The following SLTM variants were observed in gnomAD, a reference collection of about 807,000 sequenced individuals.
SLTM encodes the protein SAFB-like transcription modulator.
SLTM carries 43 observed loss-of-function variants against 134.6 expected under a neutral mutation model. The observed-to-expected ratio is 0.32, with a 90% CI of 0.25 to 0.41. The LOEUF (loss-of-function observed/expected upper bound fraction) is 0.41, where lower values mean the gene tolerates loss of function less well. Among genes scored for constraint, SLTM ranks in the 10% least tolerant of loss-of-function variants. The pLI is 1.00. For missense variants in SLTM, 1,055 were observed against 1,288.8 expected (o/e 0.82, Z 2.78); for synonymous variants, 424 against 432.3 (o/e 0.98, Z 0.24).
intron 2 of SLTM, among the ~76,000 whole-genome samples, chr15:58,924,070 C>T (rs2037294593): frequency 6.6e-6 from 1 of 152,150 alleles, no homozygotes; most frequent in Non-Finnish European, 1.5e-5. Context: ...CGGCCTCGGC[C>T]TCCCAAGGTG....
At chr15:58,883,395 A>C (rs1866526794) in intron 20 of SLTM, 1 of 536,430 alleles carries the variant, frequency 1.9e-6, no homozygotes, top group Admixed American at 3.1e-5. Context: ...ATCTATATCA[A>C]CTTGCCAGAA....
At position 58,887,472 on chromosome 15, in the gene SLTM, C is replaced by T. The variant is rs2140957502; in HGVS notation, c.2444G>A (p.Ser815Asn). ...ARPTARREDP[S>N]FERYPKNFSD... ...GAAATTTTTGGGATATCTTTCGAAGCTTGGATCTTCCCTTCGTGCAGTAGG... is the reference window on the plus strand; with the variant it reads ...GAAATTTTTGGGATATCTTTCGAAGTTTGGATCTTCCCTTCGTGCAGTAGG... Residue 815 changes from serine (S) to asparagine (N), a missense_variant, in exon 18 of 21, where the codon AGC becomes AAC. By Grantham distance (46) the Ser-to-Asn change is conservative. Around this residue, in one of 3 missense-constraint regions of SLTM, gnomAD observed 776 missense variants for 962.2 expected, o/e 0.81. Coordinates refer to ENST00000380516, the MANE Select transcript of SLTM (RefSeq NM_024755.4). The T allele has an allele frequency of 1.2e-6, 2 of 1,614,114 alleles. No homozygotes were observed. Among genetic ancestry groups the T allele is most frequent in the Middle Eastern group, 1.6e-4 (1 of 6,062 alleles).
rs1185625546 is a variant in SLTM at position 58,894,524 on chromosome 15, A to G, written c.1286T>C (p.Ile429Thr). The change falls in exon 10 of 21, where the codon ATT becomes ACT. Residue 429 changes from isoleucine to threonine, a missense_variant. This residue lies in a region of SLTM where 776 missense variants were observed against 962.2 expected (regional missense o/e 0.81). Coordinates refer to ENST00000380516, the MANE Select transcript of SLTM (RefSeq NM_024755.4). The stretch of plus-strand genomic sequence containing the variant: ...CTCTGTGCTTGAAGACATAGTTACA[A>G]TGCCATAGCATTTTGCCCCAGGACT... ...ARSPGAKCYG[I>T]VTMSSSTEVS... 1 of 1,614,108 alleles carries G rather than the reference A, an allele frequency of 6.2e-7. No individual in the cohort carries two copies. The highest frequency in any genetic ancestry group is 8.5e-7 in the Non-Finnish European group (1 of 1,179,982).
At chr15:58,881,522 T>TG (rs1289802521) in intron 20 of SLTM, among the ~76,000 whole-genome samples, 7 of 103,088 alleles carry the variant, frequency 6.8e-5, no homozygotes, top group Non-Finnish European at 1.0e-4. Context: ...TACTTCGTCT[T>TG]GGAAAAAAAA....
rs145967882 is a variant in SLTM, at chr15:58,909,672, G to A, written c.561+2891C>T. 1.6e-4 allele frequency among the ~76,000 whole-genome samples: 24 copies of A among 152,350 alleles called. No individual in the cohort carries two copies. In the East Asian group the frequency reaches 4.4e-3, roughly 28 times the overall value. ...GAAGAATACAGTACTACACCTATGAGGTGGCTGTGTGTGTGCTGGAGTGGG... is the reference window on the plus strand; with the variant it reads ...GAAGAATACAGTACTACACCTATGAAGTGGCTGTGTGTGTGCTGGAGTGGG... On this transcript the variant is annotated intron_variant, in intron 5 of 20. Coordinates refer to ENST00000380516, the MANE Select transcript of SLTM (RefSeq NM_024755.4).
intron 5 of SLTM, among the ~76,000 whole-genome samples, chr15:58,905,132 T>C (rs1212930311): frequency 6.6e-6 from 1 of 152,264 alleles, no homozygotes; most frequent in South Asian, 2.1e-4. Flanking sequence ...GCAGGAGCCA[T>C]TGCACCCAGC....
intron 8 of SLTM, chr15:58,897,909 A>G (rs1227001330): frequency 6.6e-6 from 1 of 152,144 alleles, no homozygotes; most frequent in African/African-American, 2.4e-5. Context: ...ATATGTATAG[A>G]GGCCATATCT....
At chr15:58,923,999 G>A (rs2037288409) in intron 2 of SLTM, among the ~76,000 whole-genome samples, 1 of 151,876 alleles carries the variant, frequency 6.6e-6, no homozygotes, top group African/African-American at 2.4e-5. Context: ...ATTTTTAATA[G>A]AGACAGGGTT....
At chr15:58,929,677 TG>T in intron 2 of SLTM, among the ~76,000 whole-genome samples, 1 of 152,280 alleles carries the variant, frequency 6.6e-6, no homozygotes, top group Non-Finnish European at 1.5e-5. Context: ...CCTCCCACCT[TG>T]GCCTTTTGGG....
chr15:58,894,705 GT>G (rs3052966), intron 9 of SLTM, 123 bp from the exon 10 acceptor site: 102,637 of 510,708 alleles, frequency 0.2, 2,366 homozygotes, highest in East Asian at 0.33. Context: ...TCTGTCTCAT[GT>G]TTTTTTTTTT....
In SLTM at chr15:58,883,648, C is replaced by T; in HGVS notation, c.2974G>A (p.Gly992Ser). 1 of 1,614,104 alleles carries T rather than the reference C, an allele frequency of 6.2e-7. No homozygotes were observed. The change falls in exon 20 of 21, where the codon GGC becomes AGC. Residue 992 changes from glycine to serine, a missense_variant. By Grantham distance (56) the Gly-to-Ser change is moderately conservative. Coordinates refer to ENST00000380516, the MANE Select transcript of SLTM (RefSeq NM_024755.4). ...TACCTTGAATGTTGGGTTATCATGCCTGCTCCTGCCCGGCCGTCACCCATT... is the reference window on the plus strand; with the variant it reads ...TACCTTGAATGTTGGGTTATCATGCTTGCTCCTGCCCGGCCGTCACCCATT... The part of the protein sequence containing the change: ...RRMGDGRAGA[G>S]MITQHSSNAS...
intron 19 of SLTM, among the ~76,000 whole-genome samples, chr15:58,885,573 C>T (rs900116664): frequency 1.1e-4 from 17 of 151,988 alleles, no homozygotes; most frequent in Non-Finnish European, 2.4e-4. Context: ...GGTGGATGGT[C>T]GGAAGTTTGA....
At chr15:58,892,293 A>G (rs1031491731) in intron 14 of SLTM, among the ~76,000 whole-genome samples, 3 of 152,240 alleles carry the variant, frequency 2.0e-5, no homozygotes, top group Non-Finnish European at 2.9e-5. Context: ...AAAAATGGAA[A>G]CATCTTGCTT....
chr15:58,905,471 G>C (rs1388982177), intron 5 of SLTM, among the ~76,000 whole-genome samples: 1 of 152,120 alleles, frequency 6.6e-6, no homozygotes, highest in African/African-American at 2.4e-5. Context: ...AGGAGGCTGA[G>C]GCAGGAGGTT....
chr15:58,911,495 A>G (rs534960801), intron 5 of SLTM, among the ~76,000 whole-genome samples: 19 of 152,344 alleles, frequency 1.2e-4, no homozygotes, highest in Non-Finnish European at 1.0e-4. Context: ...ACACATACCA[A>G]TGGGCGCTGA....
chr15:58,912,660 C>A, intron 4 of SLTM, 50 bp from the exon 5 acceptor site: 1 of 1,455,102 alleles, frequency 6.9e-7, no homozygotes, highest in African/African-American at 1.4e-5. Flanking sequence ...ATCGGGGTAA[C>A]GTGAGAATGC....
In SLTM at chr15:58,890,796, A is replaced by G. The variant is rs144674604; in HGVS notation, c.1899-335T>C. Reference sequence around the variant, plus strand: ...ATGTAATCTGCATATGTAAATTTACAAAACTACAACTTCCAACACTTGTTT... The same window carrying G: ...ATGTAATCTGCATATGTAAATTTACGAAACTACAACTTCCAACACTTGTTT... On this transcript the variant is annotated intron_variant, in intron 14 of 20. Coordinates refer to ENST00000380516, the MANE Select transcript of SLTM (RefSeq NM_024755.4). Among the ~76,000 whole-genome samples the G allele has an allele frequency of 9.3e-3, 1,412 of 152,348 alleles. 21 individuals carry two copies. Among genetic ancestry groups the G allele is most frequent in the African/African-American group, 0.032 (1,336 of 41,566 alleles).
intron 8 of SLTM, chr15:58,898,245 A>C (rs1241596993): frequency 6.6e-6 from 1 of 152,198 alleles, no homozygotes; most frequent in African/African-American, 2.4e-5. Flanking sequence ...CTAGAAATTA[A>C]GTATTTTTCA....
chr15:58,897,923 G>C (rs990857076), intron 8 of SLTM: 3 of 152,036 alleles, frequency 2.0e-5, no homozygotes, highest in Non-Finnish European at 4.4e-5. Context: ...CATATCTTAG[G>C]ATACAGGCCT....
Sources: allele counts gnomAD v4.1 joint callset (sites outside exome capture counted in the v4.1 genomes callset), GRCh38; gene constraint gnomAD v4.1.1; regional missense constraint gnomAD v4.1.1; transcripts MANE v1.5; gene names NCBI Gene and HGNC (gene_info 2026-07-23, HGNC 2026-07-21).